The following GALNT17 variants were observed in gnomAD, a reference collection of about 807,000 sequenced individuals.
The protein encoded by GALNT17 is polypeptide N-acetylgalactosaminyltransferase 17.
Under a neutral mutation model 63.7 loss-of-function variants are expected in GALNT17, and 29 were observed. That is an observed-to-expected ratio of 0.46 (90% CI 0.34 to 0.62). The LOEUF (loss-of-function observed/expected upper bound fraction) is 0.62. GALNT17 is among the 20% of genes least tolerant of loss of function. The probability of loss-of-function intolerance (pLI) is 0.01; values close to 1 mark genes in which losing one functional copy is unlikely to be tolerated. For missense variants in GALNT17, 603 were observed against 799.6 expected (o/e 0.75, Z 2.97); for synonymous variants, 305 against 318.3 (o/e 0.96, Z 0.45).
intron 5 of GALNT17, among the ~76,000 whole-genome samples, chr7:71,475,561 C>A (rs1017844183): frequency 1.3e-5 from 2 of 152,146 alleles, no homozygotes; most frequent in African/African-American, 2.4e-5. Context: ...TGGGGAGCAG[C>A]TGTAAATGCA....
At chr7:71,706,647 A>G (rs1006405978) in intron 9 of GALNT17, among the ~76,000 whole-genome samples, 6 of 152,106 alleles carry the variant, frequency 3.9e-5, no homozygotes, top group South Asian at 4.2e-4. Context: ...GCTTCTAACA[A>G]TGACTTTGAT....
At chr7:71,432,430 C>G (rs925277612) in intron 5 of GALNT17, among the ~76,000 whole-genome samples, 1 of 152,146 alleles carries the variant, frequency 6.6e-6, no homozygotes, top group Non-Finnish European at 1.5e-5. Context: ...CAGCCCTTGC[C>G]CACCAGAAGT....
In GALNT17 at chr7:71,192,336, C is replaced by G. The variant is rs537494812; in HGVS notation, c.238+59296C>G. Among the ~76,000 whole-genome samples the G allele has an allele frequency of 1.4e-4, 22 of 152,206 alleles. No individual in the cohort carries two copies. The South Asian group carries it at 4.4e-3, about 30-fold the overall frequency. The stretch of plus-strand genomic sequence containing the variant: ...CACACCCAGGGACAATACTTTGCAT[C>G]CTTCAATCCAATTAAGTTGACACTC... On this transcript the variant is annotated intron_variant, in intron 1 of 10. Coordinates refer to ENST00000333538, the MANE Select transcript of GALNT17 (RefSeq NM_022479.3).
intron 5 of GALNT17, among the ~76,000 whole-genome samples, chr7:71,433,238 G>A (rs1786900984): frequency 1.3e-5 from 2 of 152,112 alleles, no homozygotes; most frequent in African/African-American, 2.4e-5. Flanking sequence ...AAACCAAACA[G>A]CAGAGCCCAG....
rs578000217 is a variant in GALNT17 at position 71,154,740 on chromosome 7, C to T, written c.238+21700C>T. Among the ~76,000 whole-genome samples the T allele has an allele frequency of 6.6e-4, 100 of 151,918 alleles. 1 individual carries two copies. The highest frequency in any genetic ancestry group is 2.3e-3 in the African/African-American group (97 of 41,324). On this transcript the variant is annotated intron_variant, in intron 1 of 10. Coordinates refer to ENST00000333538, the MANE Select transcript of GALNT17 (RefSeq NM_022479.3). ...TACAGGCGCCCGCCACCATGCCCGG[C>T]TAATTTTTTGTATTTTTAGTAGAGA...
At chr7:71,179,843 T>G (rs1235696026) in intron 1 of GALNT17, among the ~76,000 whole-genome samples, 1 of 152,228 alleles carries the variant, frequency 6.6e-6, no homozygotes, top group Non-Finnish European at 1.5e-5. Context: ...TCCTGTCTAC[T>G]TTCTGCCTGC....
At chr7:71,334,454 T>G (rs988828172) in intron 1 of GALNT17, among the ~76,000 whole-genome samples, 1 of 151,494 alleles carries the variant, frequency 6.6e-6, no homozygotes, top group South Asian at 2.1e-4. Context: ...GATAAAGTGG[T>G]GTGTGTGTGT....
intron 5 of GALNT17, among the ~76,000 whole-genome samples, chr7:71,434,279 G>A (rs1786919221): frequency 6.6e-6 from 1 of 152,090 alleles, no homozygotes; most frequent in African/African-American, 2.4e-5. Flanking sequence ...TATCTTATGA[G>A]TCCTGTCCCT....
chr7:71,378,397 C>A (rs1792783788), intron 2 of GALNT17, among the ~76,000 whole-genome samples: 2 of 152,186 alleles, frequency 1.3e-5, no homozygotes, highest in African/African-American at 4.8e-5. Flanking sequence ...TATAGGGAAG[C>A]CTTGATGAGG....
intron 5 of GALNT17, among the ~76,000 whole-genome samples, chr7:71,493,468 T>C (rs1258128100): frequency 3.3e-5 from 5 of 152,168 alleles, no homozygotes; most frequent in African/African-American, 1.2e-4. Flanking sequence ...CTCACAGTTC[T>C]ACGTGGCTGG....
rs532999682 is a variant in GALNT17 at position 71,234,404 on chromosome 7, G to A, written c.239-101146G>A. Among the ~76,000 whole-genome samples, 4 of 152,170 alleles carry A rather than the reference G, an allele frequency of 2.6e-5. No homozygotes were observed. The East Asian group carries it at 5.8e-4, about 22-fold the overall frequency. On this transcript the variant is annotated intron_variant, in intron 1 of 10. Coordinates refer to ENST00000333538, the MANE Select transcript of GALNT17 (RefSeq NM_022479.3). ...AGCCTCCCAAGTAGCTAGATTACAG[G>A]CATCTGCCACCACACCCAGCTAATT...
intron 6 of GALNT17, among the ~76,000 whole-genome samples, chr7:71,596,367 A>C (rs1015659682): frequency 2.0e-5 from 3 of 152,074 alleles, no homozygotes; most frequent in African/African-American, 7.3e-5. Context: ...TCAACAGCTC[A>C]TGCATGTTGA....
chr7:71,639,882 G>A (rs1790579754), intron 6 of GALNT17, among the ~76,000 whole-genome samples: 1 of 152,128 alleles, frequency 6.6e-6, no homozygotes, highest in Non-Finnish European at 1.5e-5. Flanking sequence ...GGAGAGGATG[G>A]TTGATTGCGG....
chr7:71,600,038 T>G (rs1245577469), intron 6 of GALNT17, among the ~76,000 whole-genome samples: 1 of 151,838 alleles, frequency 6.6e-6, no homozygotes, highest in Non-Finnish European at 1.5e-5. Flanking sequence ...GACAAAGTCA[T>G]CCTTGCTTGG....
chr7:71,316,612 G>A (rs1186334792), intron 1 of GALNT17, among the ~76,000 whole-genome samples: 1 of 151,640 alleles, frequency 6.6e-6, no homozygotes, highest in East Asian at 1.9e-4. Context: ...AGCTCCAGCT[G>A]ACCTGCTGGA....
At chr7:71,280,521 G>C (rs903985319) in intron 1 of GALNT17, among the ~76,000 whole-genome samples, 2 of 152,164 alleles carry the variant, frequency 1.3e-5, no homozygotes, top group Non-Finnish European at 2.9e-5. Context: ...GGTTGCAAGT[G>C]ACAGAAAACC....
Position 71,703,069 on chromosome 7 carries a change from G to A in GALNT17, c.1501-7692G>A, listed in dbSNP as rs145944068. The stretch of plus-strand genomic sequence containing the variant: ...ATAGAAGTTTCAAACAGCCAAATTA[G>A]CATGTAAATGCTATTGAAAGCGCTG... On this transcript the variant is annotated intron_variant, in intron 9 of 10. Transcript: ENST00000333538. Among the ~76,000 whole-genome samples, 4 of 152,332 alleles carry A rather than the reference G, an allele frequency of 2.6e-5. No individual in the cohort carries two copies. In the East Asian group the frequency reaches 7.7e-4, roughly 29 times the overall value.
chr7:71,571,260 C>G, intron 5 of GALNT17, 25 bp from the exon 6 acceptor site: 4 of 1,603,702 alleles, frequency 2.5e-6, no homozygotes, highest in Non-Finnish European at 3.4e-6. Flanking sequence ...CCTCAATGAG[C>G]TTCCCTTCTT....
intron 2 of GALNT17, among the ~76,000 whole-genome samples, chr7:71,381,481 A>G (rs1411664256): frequency 2.6e-5 from 4 of 152,110 alleles, no homozygotes. Context: ...TAGAACAGAA[A>G]GAAGCCTGCA....
Sources: gnomAD v4.1 joint callset for allele counts (sites outside exome capture counted in the v4.1 genomes callset) on GRCh38, gnomAD v4.1.1 for gene constraint, MANE v1.5 for transcripts, NCBI Gene and HGNC (gene_info 2026-07-23, HGNC 2026-07-21) for gene names.